Variants in POU6F2 observed in about 807,000 individuals in gnomAD.
POU6F2 encodes the protein POU class 6 homeobox 2, also known as POU domain, class 6, transcription factor 2.
Under a neutral mutation model 71.3 loss-of-function variants are expected in POU6F2, and 31 were observed. The ratio of observed to expected loss-of-function variants is 0.43; its 90% confidence interval spans 0.33 to 0.59. POU6F2 has a LOEUF of 0.59. POU6F2 is among the 20% of genes least tolerant of loss of function. The probability of loss-of-function intolerance (pLI) is 0.04; values close to 1 mark genes in which losing one functional copy is unlikely to be tolerated. For synonymous variants in POU6F2, 347 were observed against 355.7 expected, an observed-to-expected ratio of 0.98 and a Z score of 0.27; for missense variants, 783 against 856.8, an observed-to-expected ratio of 0.91 and a Z score of 1.07.
intron 4 of POU6F2, among the ~76,000 whole-genome samples, chr7:39,246,258 G>A (rs1040862990): frequency 6.6e-6 from 1 of 152,196 alleles, no homozygotes; most frequent in African/African-American, 2.4e-5. Flanking sequence ...ACGACAGGAG[G>A]AGACCAAGGA....
intron 4 of POU6F2, among the ~76,000 whole-genome samples, chr7:39,278,221 A>G (rs183895085): frequency 1.1e-3 from 175 of 152,206 alleles, no homozygotes; most frequent in Admixed American, 3.8e-3. Flanking sequence ...GGCGTTTCGG[A>G]AAAGCTCCTG....
chr7:39,348,896 A>G (rs1440755416), intron 5 of POU6F2, among the ~76,000 whole-genome samples: 6 of 152,228 alleles, frequency 3.9e-5, no homozygotes, highest in African/African-American at 1.2e-4. Context: ...TGCAGTAGAG[A>G]TGTCTAGTTA....
At chr7:39,391,012 C>T (rs1787065423) in intron 5 of POU6F2, among the ~76,000 whole-genome samples, 1 of 152,184 alleles carries the variant, frequency 6.6e-6, no homozygotes, top group Admixed American at 6.5e-5. Context: ...CCACAAAACA[C>T]ACCTTGAGGA....
intron 2 of POU6F2, among the ~76,000 whole-genome samples, chr7:39,185,293 G>A (rs1204825390): frequency 1.3e-5 from 2 of 152,068 alleles, no homozygotes; most frequent in Non-Finnish European, 2.9e-5. Flanking sequence ...AATACTCCTG[G>A]GCTAATCAGA....
At chr7:39,106,629 C>T (rs1296435431) in intron 2 of POU6F2, among the ~76,000 whole-genome samples, 6 of 152,060 alleles carry the variant, frequency 3.9e-5, no homozygotes. Context: ...AGATTGTTTC[C>T]AATGTTTAAA....
chr7:39,346,626 T>A (rs1198540994), intron 5 of POU6F2, among the ~76,000 whole-genome samples: 1 of 152,232 alleles, frequency 6.6e-6, no homozygotes, highest in Non-Finnish European at 1.5e-5. Flanking sequence ...TCTGAAACAG[T>A]TTTGCCTTCA....
intron 2 of POU6F2, among the ~76,000 whole-genome samples, chr7:39,114,873 T>C (rs976678612): frequency 2.0e-5 from 3 of 152,162 alleles, no homozygotes; most frequent in African/African-American, 7.2e-5. Context: ...CATACATATG[T>C]GAGTACACAT....
At chr7:39,191,077 C>A (rs749326958) in intron 2 of POU6F2, among the ~76,000 whole-genome samples, 11 of 152,314 alleles carry the variant, frequency 7.2e-5, no homozygotes, top group Admixed American at 2.6e-4. Flanking sequence ...TGCCATAACT[C>A]ACTGATATAT....
In POU6F2 at chr7:39,409,442, A is replaced by C. The variant is rs149342118; in HGVS notation, c.1113+2702A>C. On this transcript the variant is annotated intron_variant, in intron 6 of 9. Transcript: ENST00000518318. ...TACCCGGAAACAAAAAGCAAGATTC[A>C]TTAGTTAAGACTTTGAATTCAGACC... is the stretch of plus-strand genomic sequence containing the variant. 9.7e-3 allele frequency among the ~76,000 whole-genome samples: 1,471 copies of C among 152,292 alleles called. 5 individuals are homozygous for C. Among genetic ancestry groups the C allele is most frequent in the Non-Finnish European group, 0.016 (1,081 of 68,016 alleles).
rs138700748 is a variant in POU6F2 at position 39,315,023 on chromosome 7, G to A, written c.599-24619G>A. ...TACCTGTAACACTGCACTGTTACACGTAACATTTCACAGCGTTTCCGTGAC... is the reference window on the plus strand; with the variant it reads ...TACCTGTAACACTGCACTGTTACACATAACATTTCACAGCGTTTCCGTGAC... On this transcript the variant is annotated intron_variant, in intron 4 of 9. Coordinates refer to ENST00000518318, the MANE Select transcript of POU6F2 (RefSeq NM_001370959.1). 2.6e-3 allele frequency among the ~76,000 whole-genome samples: 390 copies of A among 152,278 alleles called. No homozygotes were observed. In the South Asian group the frequency reaches 0.031, roughly 12 times the overall value.
intron 5 of POU6F2, among the ~76,000 whole-genome samples, chr7:39,349,992 G>T: frequency 6.6e-6 from 1 of 152,212 alleles, no homozygotes; most frequent in East Asian, 1.9e-4. Context: ...GAATGCAGCA[G>T]TGGAGGGGTG....
intron 1 of POU6F2, among the ~76,000 whole-genome samples, chr7:39,079,959 A>C (rs1791082948): frequency 6.6e-6 from 1 of 152,224 alleles, no homozygotes; most frequent in African/African-American, 2.4e-5. Context: ...GCAGCCCAAA[A>C]AGTGAAATTT....
rs199931115 is a variant in POU6F2, at chr7:39,156,240, AC to A, written c.278-47994del. The stretch of plus-strand genomic sequence containing the variant: ...CAGTATGATCGTAAACATGTATTTT[AC>A]AAAAGACCATATTGACTACAGACCC... On this transcript the variant is annotated intron_variant, in intron 2 of 9. Coordinates refer to ENST00000518318, the MANE Select transcript of POU6F2 (RefSeq NM_001370959.1). Among the ~76,000 whole-genome samples, 319 of 152,296 alleles carry A rather than the reference AC, an allele frequency of 2.1e-3. 1 individual carries two copies. The highest frequency in any genetic ancestry group is 7.2e-3 in the African/African-American group (299 of 41,558).
At chr7:39,274,006 AT>A (rs1310055937) in intron 4 of POU6F2, among the ~76,000 whole-genome samples, 1 of 152,224 alleles carries the variant, frequency 6.6e-6, no homozygotes. Flanking sequence ...AACAAATTTA[AT>A]TTATATAATG....
In POU6F2 at chr7:39,459,789, AG is replaced by A. The variant is rs200958200; in HGVS notation, c.1490-751del. On this transcript the variant is annotated intron_variant, in intron 8 of 9. Coordinates refer to ENST00000518318, the MANE Select transcript of POU6F2 (RefSeq NM_001370959.1). ...TTCATTTATCCAGGGATCAGTAGCC[AG>A]GGGGGGAAAAGTTTCATTCTCCAGC... 5.2e-3 allele frequency among the ~76,000 whole-genome samples: 769 copies of A among 149,000 alleles called. 3 individuals carry two copies. Among genetic ancestry groups the A allele is most frequent in the African/African-American group, 0.019 (736 of 38,632 alleles).
At chr7:39,082,991 A>G (rs1213380654) in intron 1 of POU6F2, among the ~76,000 whole-genome samples, 1 of 152,214 alleles carries the variant, frequency 6.6e-6, no homozygotes, top group Non-Finnish European at 1.5e-5. Context: ...TATGAGGTAC[A>G]TAAAAGTAAT....
intron 1 of POU6F2, among the ~76,000 whole-genome samples, chr7:39,029,013 A>T (rs1355568744): frequency 6.6e-6 from 1 of 151,902 alleles, no homozygotes; most frequent in Non-Finnish European, 1.5e-5. Flanking sequence ...AAATGTGTAG[A>T]GTCTCACTAT....
rs1166328364 is a variant in POU6F2 at position 39,027,372 on chromosome 7, GC to G, written c.105+49315del. 1.4e-4 allele frequency among the ~76,000 whole-genome samples: 21 copies of G among 152,262 alleles called. No individual in the cohort carries two copies. In the East Asian group the frequency reaches 3.9e-3, roughly 28 times the overall value. On this transcript the variant is annotated intron_variant, in intron 1 of 9. Transcript: ENST00000518318. ...TCCAATCACACTGATGTTATGCGGTGCTTCTATAATGCAAATTAGGTTGTGG... is the reference window on the plus strand; with the variant it reads ...TCCAATCACACTGATGTTATGCGGTGTTCTATAATGCAAATTAGGTTGTGG...
At chr7:39,444,247 C>T (rs1420682599) in intron 7 of POU6F2, among the ~76,000 whole-genome samples, 1 of 152,078 alleles carries the variant, frequency 6.6e-6, no homozygotes, top group African/African-American at 2.4e-5. Context: ...AGTATTACAT[C>T]AGAAATCCTT....
Sources: allele counts gnomAD v4.1 joint callset (sites outside exome capture counted in the v4.1 genomes callset), GRCh38; gene constraint gnomAD v4.1.1; transcripts MANE v1.5; gene names NCBI Gene and HGNC (gene_info 2026-07-23, HGNC 2026-07-21).